Variants in DLG2 observed in about 807,000 individuals in gnomAD.
The protein encoded by DLG2 is disks large homolog 2.
A neutral mutation model predicts 132.5 loss-of-function variants in DLG2; 45 were observed. The ratio of observed to expected loss-of-function variants is 0.34; its 90% CI spans 0.27 to 0.44. The LOEUF (loss-of-function observed/expected upper bound fraction) is 0.44. Among genes scored for constraint, DLG2 ranks in the 20% least tolerant of loss-of-function variants. DLG2 has a pLI of 1.00. For synonymous variants in DLG2, 424 were observed against 419.6 expected (o/e 1.01, Z -0.13); for missense variants, 1,045 against 1,196.9 (o/e 0.87, Z 1.87).
At chr11:83,628,341 G>T (rs967087254) in intron 19 of DLG2, among the ~76,000 whole-genome samples, 1 of 152,122 alleles carries the variant, frequency 6.6e-6, no homozygotes, top group African/African-American at 2.4e-5. Context: ...TTCGTCCATG[G>T]TCACAGAGCT....
Position 84,483,115 on chromosome 11 carries a change from G to A in DLG2, c.519+51455C>T, listed in dbSNP as rs139435307. On this transcript the variant is annotated intron_variant, in intron 7 of 27. Coordinates refer to ENST00000376104, the MANE Select transcript of DLG2 (RefSeq NM_001142699.3). ...ATTCATTAAGGAATACATAAAGAAC[G>A]ACATCTGCATGTGATGATTAAATTA... 7.0e-3 allele frequency among the ~76,000 whole-genome samples: 1,071 copies of A among 152,148 alleles called. 13 individuals carry two copies. The highest frequency in any genetic ancestry group is 0.023 in the African/African-American group (960 of 41,538).
chr11:83,977,173 T>C (rs1389185296), intron 12 of DLG2, among the ~76,000 whole-genome samples: 1 of 151,976 alleles, frequency 6.6e-6, no homozygotes. Flanking sequence ...AATCTTCCAT[T>C]CTTGTTATAA....
intron 2 of DLG2, among the ~76,000 whole-genome samples, chr11:85,620,512 C>A (rs1433751229): frequency 6.6e-6 from 1 of 152,136 alleles, no homozygotes; most frequent in Non-Finnish European, 1.5e-5. Flanking sequence ...CCTCTTGCAC[C>A]AAATAGCCAA....
chr11:84,427,297 A>G (rs76206586), intron 7 of DLG2, among the ~76,000 whole-genome samples: 1,785 of 152,316 alleles, frequency 0.012, 30 homozygotes, highest in African/African-American at 0.034. Context: ...AAGTTTTTAC[A>G]ATAGGTAGAT....
At chr11:84,167,239 C>G (rs1793035) in intron 8 of DLG2, among the ~76,000 whole-genome samples, 3 of 152,188 alleles carry the variant, frequency 2.0e-5, no homozygotes, top group Non-Finnish European at 2.9e-5. Context: ...GAAAATCAAA[C>G]TGATGTCACA....
intron 14 of DLG2, among the ~76,000 whole-genome samples, chr11:83,950,330 C>T (rs2085093628): frequency 6.6e-6 from 1 of 152,210 alleles, no homozygotes; most frequent in Non-Finnish European, 1.5e-5. Flanking sequence ...TGCAGTGGCT[C>T]ACGCCTGTAA....
chr11:83,572,111 C>T (rs1284902616), intron 19 of DLG2, among the ~76,000 whole-genome samples: 2 of 151,798 alleles, frequency 1.3e-5, no homozygotes, highest in Admixed American at 1.3e-4. Flanking sequence ...TTTTCTGTAT[C>T]CTCCTAATTT....
chr11:83,461,816 G>A, intron 27 of DLG2, 186 bp downstream of exon 27: 1 of 550,088 alleles, frequency 1.8e-6, no homozygotes, highest in Non-Finnish European at 3.3e-6. Flanking sequence ...GAACTCTCAG[G>A]AGAACCCAGG....
At chr11:85,484,857 T>C (rs1372856891) in intron 3 of DLG2, among the ~76,000 whole-genome samples, 2 of 151,134 alleles carry the variant, frequency 1.3e-5, no homozygotes, top group African/African-American at 2.4e-5. Flanking sequence ...ACTGGGTATA[T>C]ACCCAAAGGA....
intron 6 of DLG2, among the ~76,000 whole-genome samples, chr11:85,060,876 T>G (rs1012053757): frequency 1.7e-4 from 26 of 151,564 alleles, no homozygotes; most frequent in Admixed American, 2.6e-4. Flanking sequence ...TGTTGTTTTT[T>G]TTTGTTTGTT....
chr11:85,275,134 G>C (rs1199848444), intron 4 of DLG2, among the ~76,000 whole-genome samples: 1 of 152,084 alleles, frequency 6.6e-6, no homozygotes, highest in Non-Finnish European at 1.5e-5. Context: ...AAACTTCAGA[G>C]GGCAAAGGGG....
intron 6 of DLG2, among the ~76,000 whole-genome samples, chr11:84,630,979 TTCTCTC>T (rs369904915): frequency 0.022 from 1,110 of 51,206 alleles, 10 homozygotes; most frequent in South Asian, 0.05. Flanking sequence ...TTAAATGCAT[TTCTCTC>T]TCTCTCTCTC....
At chr11:84,208,032 A>T (rs962043261) in intron 8 of DLG2, among the ~76,000 whole-genome samples, 1 of 152,196 alleles carries the variant, frequency 6.6e-6, no homozygotes, top group East Asian at 1.9e-4. Context: ...AAGTTTTTTT[A>T]AAAAAGGATC....
intron 7 of DLG2, among the ~76,000 whole-genome samples, chr11:84,357,796 AG>A (rs1177056568): frequency 3.3e-5 from 5 of 152,006 alleles, no homozygotes; most frequent in African/African-American, 9.7e-5. Flanking sequence ...TTATTTTCCA[AG>A]GCAAATAAAA....
chr11:84,276,296 T>C (rs775731800), intron 7 of DLG2, among the ~76,000 whole-genome samples: 1 of 152,232 alleles, frequency 6.6e-6, no homozygotes, highest in Non-Finnish European at 1.5e-5. Flanking sequence ...GTTATATTAC[T>C]TATTATTTTT....
Position 84,814,473 on chromosome 11 carries a change from C to A in DLG2, c.358-279742G>T, listed in dbSNP as rs191529788. ...CAATACGCAAGCCCATAGGGCATGGCTCCCCACTGCCTTTCTAACATGAGA... is the reference window on the plus strand; with the variant it reads ...CAATACGCAAGCCCATAGGGCATGGATCCCCACTGCCTTTCTAACATGAGA... On this transcript the variant is annotated intron_variant, in intron 6 of 27. Transcript: ENST00000376104. 1.0e-3 allele frequency among the ~76,000 whole-genome samples: 157 copies of A among 152,150 alleles called. 1 individual carries two copies. The highest frequency in any genetic ancestry group is 1.0e-3 in the Non-Finnish European group (70 of 67,962).
intron 18 of DLG2, among the ~76,000 whole-genome samples, chr11:83,698,279 C>A (rs1419349897): frequency 2.0e-5 from 3 of 152,186 alleles, no homozygotes; most frequent in African/African-American, 7.2e-5. Flanking sequence ...TCAAACATTT[C>A]TGAGACTGAA....
At chr11:84,912,304 C>T (rs1396563974) in intron 6 of DLG2, among the ~76,000 whole-genome samples, 2 of 152,268 alleles carry the variant, frequency 1.3e-5, no homozygotes, top group African/African-American at 2.4e-5. Context: ...TACAGGCACC[C>T]GCCACCACGC....
chr11:84,570,986 A>T (rs2099481455), intron 6 of DLG2, among the ~76,000 whole-genome samples: 1 of 152,172 alleles, frequency 6.6e-6, no homozygotes, highest in Admixed American at 6.5e-5. Context: ...ATTTGCTAAA[A>T]TTAGAGAACA....
Sources: gnomAD v4.1 joint callset for allele counts (sites outside exome capture counted in the v4.1 genomes callset) on GRCh38, gnomAD v4.1.1 for gene constraint, MANE v1.5 for transcripts, NCBI Gene and HGNC (gene_info 2026-07-23, HGNC 2026-07-21) for gene names.